The following ZNF212 variants were observed in gnomAD, a reference collection of about 807,000 sequenced individuals.
ZNF212 encodes the protein zinc finger protein 212.
Under a neutral mutation model 47.3 loss-of-function variants are expected in ZNF212, and 32 were observed. That is an observed-to-expected ratio of 0.68 (90% CI 0.51 to 0.91). ZNF212 has a LOEUF of 0.91. Among genes scored for constraint, ZNF212 ranks in the 40% least tolerant of loss-of-function variants. The pLI, the probability that ZNF212 is intolerant of heterozygous loss-of-function variation, is 0.00. For synonymous variants in ZNF212, 242 were observed against 253.8 expected, an observed-to-expected ratio of 0.95 and a Z score of 0.44; for missense variants, 555 against 622.8, an observed-to-expected ratio of 0.89 and a Z score of 1.16.
intron 4 of ZNF212, 151 bp from the exon 5 acceptor site, chr7:149,253,408 C>T: frequency 1.1e-6 from 1 of 893,332 alleles, no homozygotes; most frequent in East Asian, 2.6e-5. Context: ...TTATAGAAGT[C>T]TTGGAACCTA....
chr7:149,241,993 CTTTCT>C (rs1464004040), intron 1 of ZNF212, among the ~76,000 whole-genome samples: 3 of 144,702 alleles, frequency 2.1e-5, no homozygotes, highest in African/African-American at 2.5e-5. Context: ...CGTTTCTTTT[CTTTCT>C]TTTCTTCTTT....
At chr7:149,248,320 C>T (rs1482348093) in intron 1 of ZNF212, among the ~76,000 whole-genome samples, 2 of 152,112 alleles carry the variant, frequency 1.3e-5, no homozygotes, top group South Asian at 2.1e-4. Context: ...ATCCTAATGA[C>T]CTCATTTTAA....
chr7:149,252,714 G>A lies in ZNF212; in HGVS notation c.550G>A (p.Gly184Ser), dbSNP rs1796776440. ...YETLVSLKVL[G>S]QTEGEAELGT... ...TGCTGTTTCCCACCCAGAGGTCCTTGGCCAGACAGAGGGAGAAGCGGAGTT... is the reference window on the plus strand; with the variant it reads ...TGCTGTTTCCCACCCAGAGGTCCTTAGCCAGACAGAGGGAGAAGCGGAGTT... Residue 184 changes from glycine (G) to serine (S), a missense_variant, in exon 4 of 5, where the codon GGC becomes AGC. Coordinates refer to ENST00000335870, the MANE Select transcript of ZNF212 (RefSeq NM_012256.4). 6.2e-7 allele frequency: 1 copy of A among 1,614,102 alleles called. No homozygotes were observed. Among genetic ancestry groups the A allele is most frequent in the Non-Finnish European group, 8.5e-7 (1 of 1,180,008 alleles).
chr7:149,252,296 T>C (rs1796771659), intron 3 of ZNF212, among the ~76,000 whole-genome samples: 1 of 152,172 alleles, frequency 6.6e-6, no homozygotes, highest in South Asian at 2.1e-4. Flanking sequence ...ATGCTCTCAT[T>C]GTGACTGTTT....
Position 149,244,512 on chromosome 7 carries a change from A to T in ZNF212, c.24+4710A>T, listed in dbSNP as rs913085050. Among the ~76,000 whole-genome samples the T allele has an allele frequency of 8.6e-5, 13 of 151,612 alleles. 1 individual carries two copies. Among genetic ancestry groups the T allele is most frequent in the African/African-American group, 3.1e-4 (13 of 41,282 alleles). On this transcript the variant is annotated intron_variant, in intron 1 of 4. Coordinates refer to ENST00000335870, the MANE Select transcript of ZNF212 (RefSeq NM_012256.4). ...GTATTTTTAGTAGAGATGGGGTTTC[A>T]CCATGTTAGCCAGGATGGTCGCGAT...
At chr7:149,239,890 G>C in intron 1 of ZNF212, 88 bp downstream of exon 1, 1 of 1,251,870 alleles carries the variant, frequency 8.0e-7, no homozygotes, top group Non-Finnish European at 1.0e-6. Context: ...TTTGGACGCC[G>C]CCGGGGTCTT....
rs998650938 is a variant in ZNF212, at chr7:149,253,694, G to C, written c.767G>C (p.Gly256Ala). 1.2e-6 allele frequency: 2 copies of C among 1,614,210 alleles called. No homozygotes were observed. The highest frequency in any genetic ancestry group is 1.7e-6 in the Non-Finnish European group (2 of 1,180,042). The change falls in exon 5 of 5, where the codon GGC (glycine) becomes GCC (alanine). Residue 256 changes from glycine to alanine, a missense_variant. Gly to Ala is a moderately conservative substitution (Grantham distance 60). Transcript: ENST00000335870. ...PEQTELWGGQ[G>A]SSVLLETGPG... is the part of the protein sequence containing the mutation. ...CAGACCGAACTCTGGGGTGGTCAGG[G>C]CAGTTCTGTCCTCTTGGAAACAGGT...
At chr7:149,253,279 A>G (rs1796784133) in intron 4 of ZNF212, among the ~76,000 whole-genome samples, 1 of 152,190 alleles carries the variant, frequency 6.6e-6, no homozygotes, top group East Asian at 1.9e-4. Flanking sequence ...CATTTTTCAC[A>G]GGGATTAAAT....
intron 1 of ZNF212, among the ~76,000 whole-genome samples, chr7:149,244,512 A>G (rs913085050): frequency 1.3e-5 from 2 of 151,490 alleles, no homozygotes; most frequent in African/African-American, 4.9e-5. Context: ...ATGGGGTTTC[A>G]CCATGTTAGC....
At chr7:149,243,275 C>A (rs1474388838) in intron 1 of ZNF212, among the ~76,000 whole-genome samples, 1 of 151,768 alleles carries the variant, frequency 6.6e-6, no homozygotes, top group Non-Finnish European at 1.5e-5. Flanking sequence ...TGCCTGTAGT[C>A]CCAGCTTCTT....
intron 1 of ZNF212, among the ~76,000 whole-genome samples, chr7:149,242,511 T>G (rs1448138140): frequency 6.6e-6 from 1 of 152,108 alleles, no homozygotes; most frequent in Non-Finnish European, 1.5e-5. Context: ...GCAAAAATGT[T>G]TCAGAAACAA....
In ZNF212 at chr7:149,253,550, A is replaced by T. The variant is rs1055172990; in HGVS notation, c.632-9A>T. On this transcript the variant is annotated splice_polypyrimidine_tract_variant and intron_variant, in intron 4 of 4. Coordinates refer to ENST00000335870, the MANE Select transcript of ZNF212 (RefSeq NM_012256.4). ...TGATCTTTTTTGTTGGTCTTCTTCC[A>T]CTTTGCAGCAGGTGGGGTCATGATC... 2 of 1,590,528 alleles carry T rather than the reference A, an allele frequency of 1.3e-6. No individual in the cohort carries two copies. The highest frequency in any genetic ancestry group is 1.7e-5 in the Admixed American group (1 of 58,198).
At chr7:149,239,837 G>A in intron 1 of ZNF212, 35 bp downstream of exon 1, 1 of 1,266,772 alleles carries the variant, frequency 7.9e-7, no homozygotes, top group Non-Finnish European at 1.0e-6. Context: ...TCGAGGGCGC[G>A]TTGGGGATGG....
intron 4 of ZNF212, 93 bp from the exon 5 acceptor site, chr7:149,253,466 G>A: frequency 6.8e-7 from 1 of 1,463,536 alleles, no homozygotes; most frequent in Non-Finnish European, 9.1e-7. Flanking sequence ...TATTCCTGGG[G>A]TGCTTCTGAA....
chr7:149,242,714 G>A (rs752835989), intron 1 of ZNF212, among the ~76,000 whole-genome samples: 16 of 152,130 alleles, frequency 1.1e-4, no homozygotes, highest in Admixed American at 4.6e-4. Context: ...TTAATAAAAC[G>A]TAACAATTTC....
At chr7:149,252,464 G>T (rs1210795079) in intron 3 of ZNF212, among the ~76,000 whole-genome samples, 1 of 152,228 alleles carries the variant, frequency 6.6e-6, no homozygotes, top group Non-Finnish European at 1.5e-5. Context: ...TCTGTAGCCT[G>T]CCTGCCTGAG....
chr7:149,241,431 C>CAAAAA (rs35747561), intron 1 of ZNF212, among the ~76,000 whole-genome samples: 3 of 76,750 alleles, frequency 3.9e-5, no homozygotes, highest in East Asian at 3.8e-4. Flanking sequence ...GACTCTGTCT[C>CAAAAA]AAAAAAAAAA....
chr7:149,250,020 T>C, intron 1 of ZNF212, 139 bp from the exon 2 acceptor site: 1 of 754,248 alleles, frequency 1.3e-6, no homozygotes. Flanking sequence ...TATCTATGTA[T>C]AATTTTTAGT....
In ZNF212 at chr7:149,252,953, T is replaced by C. The variant is rs369690178; in HGVS notation, c.631+158T>C. Among the ~76,000 whole-genome samples, 34 of 152,310 alleles carry C rather than the reference T, an allele frequency of 2.2e-4. 2 individuals carry two copies. The highest frequency in any genetic ancestry group is 1.5e-3 in the Admixed American group (23 of 15,300). ...GATTGTCGTTAGTTCAGCTGTTACA[T>C]ATGCCTCAACTCCTACCACCCTGTG... On this transcript the variant is annotated intron_variant, in intron 4 of 4. Transcript: ENST00000335870.
Sources: gnomAD v4.1 joint callset for allele counts (sites outside exome capture counted in the v4.1 genomes callset) on GRCh38, gnomAD v4.1.1 for gene constraint, MANE v1.5 for transcripts, NCBI Gene and HGNC (gene_info 2026-07-23, HGNC 2026-07-21) for gene names.